AKR1D1: variants seen among roughly 807,000 people sequenced by gnomAD.
The protein encoded by AKR1D1 is delta(4)-3-ketosteroid 5-beta-reductase.
Under a neutral mutation model 42.6 loss-of-function variants are expected in AKR1D1, and 32 were observed. The observed-to-expected ratio is 0.75, with a 90% CI of 0.57 to 1.01. The LOEUF (loss-of-function observed/expected upper bound fraction) is 1.01, where lower values mean the gene tolerates loss of function less well. AKR1D1 is among the 50% of genes least tolerant of loss of function. The pLI is 0.00. For synonymous variants in AKR1D1, 123 were observed against 135.5 expected, an observed-to-expected ratio of 0.91 and a Z score of 0.64; for missense variants, 364 against 402.2, an observed-to-expected ratio of 0.91 and a Z score of 0.81.
chr7:138,083,927 A>G (rs1246553864), intron 1 of AKR1D1, among the ~76,000 whole-genome samples: 2 of 152,228 alleles, frequency 1.3e-5, no homozygotes, highest in East Asian at 3.9e-4. Context: ...ACTACTTTTA[A>G]AAAAGTATTT....
At position 138,106,641 on chromosome 7, in the gene AKR1D1, CT is replaced by C. The variant is rs1176791883; in HGVS notation, c.614del (p.Leu205ProfsTer2). On this transcript the variant is annotated frameshift_variant, in exon 6 of 9. Coordinates refer to ENST00000242375, the MANE Select transcript of AKR1D1 (RefSeq NM_005989.4). LOFTEE classifies it high-confidence loss of function. Reference protein sequence around the residue: ...ECHPYFTQPKLLKFCQQHDIV... With the variant: ...ECHPYFTQPKXLKFCQQHDIV... Reference sequence around the variant, plus strand: ...CCATCCGTATTTCACCCAGCCAAAACTCTTGAAATTTTGCCAACAACATGAC... The same window carrying C: ...CCATCCGTATTTCACCCAGCCAAAACCTTGAAATTTTGCCAACAACATGAC... 2 of 1,614,038 alleles carry C rather than the reference CT, an allele frequency of 1.2e-6. No individual in the cohort carries two copies. Among genetic ancestry groups the C allele is most frequent in the East Asian group, 2.2e-5 (1 of 44,888 alleles).
chr7:138,096,846 A>T (rs1794194082), intron 3 of AKR1D1, among the ~76,000 whole-genome samples: 1 of 152,086 alleles, frequency 6.6e-6, no homozygotes, highest in South Asian at 2.1e-4. Flanking sequence ...CACTCTCTCT[A>T]TAGGTGACTT....
intron 2 of AKR1D1, among the ~76,000 whole-genome samples, chr7:138,089,432 A>C (rs1281552461): frequency 6.6e-6 from 1 of 151,038 alleles, no homozygotes; most frequent in Non-Finnish European, 1.5e-5. Flanking sequence ...AACAAACGTA[A>C]ATTAAAAAAA....
chr7:138,097,678 C>T (rs1326451671), intron 3 of AKR1D1, among the ~76,000 whole-genome samples, 188 bp from the exon 4 acceptor site: 1 of 152,138 alleles, frequency 6.6e-6, no homozygotes, highest in Non-Finnish European at 1.5e-5. Context: ...GTACTGGCAT[C>T]CCAGGAAGCA....
chr7:138,081,587 A>G (rs1484811556), intron 1 of AKR1D1, among the ~76,000 whole-genome samples: 1 of 122,406 alleles, frequency 8.2e-6, no homozygotes, highest in Non-Finnish European at 1.6e-5. Flanking sequence ...GTGCAATGGC[A>G]CGATCGATCT....
intron 2 of AKR1D1, 36 bp from the exon 3 acceptor site, chr7:138,091,732 A>T (rs2117434633): frequency 6.9e-7 from 1 of 1,457,776 alleles, no homozygotes; most frequent in Non-Finnish European, 9.6e-7. Flanking sequence ...AAAAGCGTGT[A>T]GACATTAGTT....
chr7:138,079,059 T>C (rs1802999757), intron 1 of AKR1D1, among the ~76,000 whole-genome samples: 1 of 152,198 alleles, frequency 6.6e-6, no homozygotes, highest in South Asian at 2.1e-4. Flanking sequence ...CTCAAACTCC[T>C]GGGCTCAAGT....
At chr7:138,099,139 A>G (rs1001095816) in intron 4 of AKR1D1, among the ~76,000 whole-genome samples, 1 of 152,124 alleles carries the variant, frequency 6.6e-6, no homozygotes, top group Non-Finnish European at 1.5e-5. Flanking sequence ...TCGAGGGGCG[A>G]GGAGGAATGA....
chr7:138,099,855 A>AG (rs1224390242), intron 4 of AKR1D1, among the ~76,000 whole-genome samples: 19 of 117,034 alleles, frequency 1.6e-4, no homozygotes, highest in African/African-American at 4.9e-4. Context: ...AGAAAAAAAA[A>AG]GGGGGGTAAT....
intron 7 of AKR1D1, among the ~76,000 whole-genome samples, chr7:138,112,526 A>G (rs1196422503): frequency 6.6e-6 from 1 of 152,214 alleles, no homozygotes; most frequent in Non-Finnish European, 1.5e-5. Flanking sequence ...TTGTAGAATC[A>G]TAAAGATATG....
At chr7:138,085,585 C>T (rs1392855965) in intron 1 of AKR1D1, among the ~76,000 whole-genome samples, 1 of 151,790 alleles carries the variant, frequency 6.6e-6, no homozygotes, top group Non-Finnish European at 1.5e-5. Context: ...GCTGGGATTA[C>T]AGGTGTCTAC....
chr7:138,112,903 A>G (rs1562939558), intron 7 of AKR1D1, among the ~76,000 whole-genome samples: 1 of 152,054 alleles, frequency 6.6e-6, no homozygotes, highest in Non-Finnish European at 1.5e-5. Context: ...TCTAAGAAAA[A>G]TAAAACAATG....
rs138281125 is a variant in AKR1D1, at chr7:138,090,561, C to T, written c.262-1207C>T. Among the ~76,000 whole-genome samples, 985 of 150,650 alleles carry T rather than the reference C, an allele frequency of 6.5e-3. 22 individuals carry two copies. In the East Asian group the frequency reaches 0.068, roughly 10 times the overall value. On this transcript the variant is annotated intron_variant, in intron 2 of 8. Coordinates refer to ENST00000242375, the MANE Select transcript of AKR1D1 (RefSeq NM_005989.4). ...CTGAGGCAGCAGAATCGCTTGAACC[C>T]GGGAGGCAGAGGTTGCACTAAGCCA... is the stretch of plus-strand genomic sequence containing the variant.
chr7:138,103,451 A>C (rs1794355951), intron 4 of AKR1D1, among the ~76,000 whole-genome samples: 1 of 152,200 alleles, frequency 6.6e-6, no homozygotes, highest in Admixed American at 6.5e-5. Context: ...AAAAGTAATA[A>C]AGAGTTAAGA....
At chr7:138,076,921 G>A (rs1273763015) in intron 1 of AKR1D1, among the ~76,000 whole-genome samples, 1 of 152,064 alleles carries the variant, frequency 6.6e-6, no homozygotes, top group East Asian at 1.9e-4. Flanking sequence ...GTGTGTTTAT[G>A]ACTTGTGTTT....
chr7:138,113,799 A>T (rs1217320317), intron 8 of AKR1D1, 27 bp downstream of exon 8: 1 of 1,596,978 alleles, frequency 6.3e-7, no homozygotes, highest in African/African-American at 1.3e-5. Flanking sequence ...ATTAATGGGT[A>T]TTGACCAGTG....
chr7:138,084,483 C>A (rs570511487), intron 1 of AKR1D1, among the ~76,000 whole-genome samples: 13 of 151,766 alleles, frequency 8.6e-5, no homozygotes, highest in African/African-American at 2.7e-4. Flanking sequence ...CCTCCCAAAG[C>A]GCTGGGATTA....
At chr7:138,092,924 A>G (rs2117437007) in intron 3 of AKR1D1, among the ~76,000 whole-genome samples, 1 of 152,314 alleles carries the variant, frequency 6.6e-6, no homozygotes, top group South Asian at 2.1e-4. Flanking sequence ...CTGCACACTT[A>G]GGGTACACAA....
At chr7:138,080,801 A>G (rs771101085) in intron 1 of AKR1D1, among the ~76,000 whole-genome samples, 1 of 152,138 alleles carries the variant, frequency 6.6e-6, no homozygotes, top group Non-Finnish European at 1.5e-5. Context: ...AGTTTTTAAA[A>G]TAAGGACAGG....
Sources: gnomAD v4.1 joint callset for allele counts (sites outside exome capture counted in the v4.1 genomes callset) on GRCh38, gnomAD v4.1.1 for gene constraint, MANE v1.5 for transcripts, NCBI Gene and HGNC (gene_info 2026-07-23, HGNC 2026-07-21) for gene names.